The following PRKCZ variants were observed in gnomAD, a reference collection of about 807,000 sequenced individuals.
PRKCZ encodes the protein protein kinase C zeta type.
A neutral mutation model predicts 79.5 loss-of-function variants in PRKCZ; 33 were observed. The ratio of observed to expected loss-of-function variants is 0.41; its 90% confidence interval spans 0.31 to 0.55. PRKCZ has a LOEUF of 0.55. Ranked by LOEUF, PRKCZ falls within the 20% of genes least tolerant of loss-of-function variation. The probability of loss-of-function intolerance (pLI) is 0.19; values close to 1 mark genes in which losing one functional copy is unlikely to be tolerated. For missense variants in PRKCZ, 578 were observed against 813.5 expected (o/e 0.71, Z 3.52); for synonymous variants, 342 against 320.9 (o/e 1.07, Z -0.70).
intron 10 of PRKCZ, among the ~76,000 whole-genome samples, chr1:2,167,410 G>A (rs985355756): frequency 2.0e-5 from 3 of 152,074 alleles, no homozygotes; most frequent in South Asian, 2.1e-4. Flanking sequence ...CCTATGGGCC[G>A]TGATAGCTTA....
At position 2,055,611 on chromosome 1, in the gene PRKCZ, G is replaced by T. The variant is rs372725617; in HGVS notation, c.193+49G>T. 423 of 1,582,548 alleles carry T rather than the reference G, an allele frequency of 2.7e-4. 1 individual carries two copies. The highest frequency in any genetic ancestry group is 6.6e-4 in the Admixed American group (37 of 56,276). On this transcript the variant is annotated intron_variant, in intron 2 of 17. Transcript: ENST00000378567. Reference sequence around the variant, plus strand: ...AGAATCCTCAGCCTCAGGGGACTTCGCCAGGGCAGCCTCTGTGTGCGGAGT... The same window carrying T: ...AGAATCCTCAGCCTCAGGGGACTTCTCCAGGGCAGCCTCTGTGTGCGGAGT...
Position 2,144,450 on chromosome 1 carries a change from C to A in PRKCZ, c.552+109C>A, listed in dbSNP as rs574128657. On this transcript the variant is annotated intron_variant, in intron 6 of 17. Transcript: ENST00000378567. Reference sequence around the variant, plus strand: ...TGACCCTGGGTTCTTCAAGAGGGGCCGTGGTGCCGTCCTAGCTCTGGGCTG... The same window carrying A: ...TGACCCTGGGTTCTTCAAGAGGGGCAGTGGTGCCGTCCTAGCTCTGGGCTG... 4.0e-6 allele frequency: 6 copies of A among 1,487,996 alleles called. No homozygotes were observed. In the African/African-American group the frequency reaches 4.2e-5, roughly 10 times the overall value. 92.2% of individuals were successfully genotyped at this position (1,487,996 alleles called of 1,614,324 possible).
At chr1:2,115,750 G>C (rs1670632776) in intron 4 of PRKCZ, among the ~76,000 whole-genome samples, 1 of 152,182 alleles carries the variant, frequency 6.6e-6, no homozygotes, top group African/African-American at 2.4e-5. Flanking sequence ...TATTAGAAAG[G>C]ACAGCCACAC....
chr1:2,089,781 A>T (rs188904938), intron 4 of PRKCZ, among the ~76,000 whole-genome samples: 252 of 152,244 alleles, frequency 1.7e-3, no homozygotes, highest in Admixed American at 4.6e-3. Context: ...CACACGGCAG[A>T]ACTCAATTCT....
At chr1:2,120,294 T>A (rs12731088) in intron 4 of PRKCZ, among the ~76,000 whole-genome samples, 1 of 56,108 alleles carries the variant, frequency 1.8e-5, no homozygotes, top group African/African-American at 1.1e-4. Flanking sequence ...TGACTTTTCG[T>A]TTTTTTTTTT....
chr1:2,080,622 C>T (rs1243628623), intron 4 of PRKCZ, among the ~76,000 whole-genome samples: 1 of 152,180 alleles, frequency 6.6e-6, no homozygotes, highest in Non-Finnish European at 1.5e-5. Context: ...CAAGCATTCC[C>T]TCCCTGCTCC....
intron 1 of PRKCZ, among the ~76,000 whole-genome samples, chr1:2,052,534 C>T (rs913785240): frequency 4.6e-5 from 7 of 151,870 alleles, no homozygotes; most frequent in East Asian, 1.9e-4. Flanking sequence ...TTCTAGGGCA[C>T]GTCTCCCCTC....
Position 2,127,695 on chromosome 1 carries a change from G to T in PRKCZ, c.335-7567G>T, listed in dbSNP as rs1212180044. ...GGCAAATAGGCGAACGGCGTCTCCC[G>T]CGGCTCCCGGTGGCTTTTTAGGACT... On this transcript the variant is annotated intron_variant, in intron 4 of 17. Transcript: ENST00000378567. The surrounding 1 kb of genome is among the most constrained non-coding windows in gnomAD (Gnocchi z 5.1). 6.6e-6 allele frequency among the ~76,000 whole-genome samples: 1 copy of T among 152,244 alleles called. No individual in the cohort carries two copies. The highest frequency in any genetic ancestry group is 1.9e-4 in the East Asian group (1 of 5,198).
At chr1:2,130,181 C>T (rs1674688305) in intron 4 of PRKCZ, among the ~76,000 whole-genome samples, 1 of 152,246 alleles carries the variant, frequency 6.6e-6, no homozygotes, top group Admixed American at 6.5e-5. Context: ...AGTGGGGTTA[C>T]AAGCATGAGC....
chr1:2,144,743 C>T (rs1047569095), intron 6 of PRKCZ: 119 of 701,816 alleles, frequency 1.7e-4, no homozygotes, highest in Non-Finnish European at 2.1e-4. Flanking sequence ...TCCCTGGCAT[C>T]CCCCCTGGGA....
At chr1:2,166,114 GT>G (rs1683272031) in intron 10 of PRKCZ, among the ~76,000 whole-genome samples, 1 of 152,304 alleles carries the variant, frequency 6.6e-6, no homozygotes, top group African/African-American at 2.4e-5. Context: ...TCACGTTTGT[GT>G]ATTTGATTAA....
chr1:2,101,790 G>A (rs1181417450), intron 4 of PRKCZ, among the ~76,000 whole-genome samples: 1 of 152,226 alleles, frequency 6.6e-6, no homozygotes, highest in Non-Finnish European at 1.5e-5. Context: ...CCACAGCAAA[G>A]ATGTGTGGCA....
intron 4 of PRKCZ, among the ~76,000 whole-genome samples, chr1:2,065,374 T>C (rs984709292): frequency 3.3e-5 from 5 of 152,170 alleles, no homozygotes; most frequent in Admixed American, 3.3e-4. Flanking sequence ...TCCACTACTC[T>C]GTTGAATAAA....
intron 4 of PRKCZ, among the ~76,000 whole-genome samples, chr1:2,091,641 T>A (rs1190100314): frequency 6.6e-6 from 1 of 152,202 alleles, no homozygotes; most frequent in East Asian, 1.9e-4. Flanking sequence ...CTGTGGCCGC[T>A]TGTGTGTCGG....
Position 2,168,009 on chromosome 1 carries a change from G to A in PRKCZ, c.975-1509G>A, listed in dbSNP as rs563574471. On this transcript the variant is annotated intron_variant, in intron 10 of 17. Transcript: ENST00000378567. This position sits in a 1 kb window ranked among gnomAD's most constrained non-coding sequence, Gnocchi z 4.7. ...GGAGGCCTTCATGGAGCTTCGTTCC[G>A]TGGGGTTGACGTTACTGAACGAGTC... Among the ~76,000 whole-genome samples the A allele has an allele frequency of 1.4e-4, 22 of 152,308 alleles. No homozygotes were observed. The highest frequency in any genetic ancestry group is 3.9e-4 in the Admixed American group (6 of 15,306).
chr1:2,104,747 G>GCAGC, intron 4 of PRKCZ: 1 of 985,740 alleles, frequency 1.0e-6, no homozygotes, highest in African/African-American at 1.7e-5. Context: ...CAGGCAGGAC[G>GCAGC]CAGCGGGCTG....
chr1:2,151,142 C>G (rs1040332696), intron 9 of PRKCZ, among the ~76,000 whole-genome samples, 164 bp downstream of exon 9: 2 of 152,250 alleles, frequency 1.3e-5, no homozygotes, highest in Non-Finnish European at 2.9e-5. Flanking sequence ...AGGATGTGTT[C>G]TGGAAAGTGC....
intron 11 of PRKCZ, 31 bp downstream of exon 11, chr1:2,169,635 G>A (rs1470689114): frequency 4.8e-6 from 7 of 1,445,162 alleles, no homozygotes; most frequent in Non-Finnish European, 6.5e-6. Flanking sequence ...CCGGGTGGGT[G>A]CGCCCGGAGT....
At chr1:2,054,489 G>A (rs993524650) in intron 1 of PRKCZ, among the ~76,000 whole-genome samples, 1 of 152,020 alleles carries the variant, frequency 6.6e-6, no homozygotes, top group East Asian at 1.9e-4. Context: ...CTGGGAGTCC[G>A]TGAGCTTCCC....
Sources: allele counts gnomAD v4.1 joint callset (sites outside exome capture counted in the v4.1 genomes callset), GRCh38; gene constraint gnomAD v4.1.1; non-coding constraint Gnocchi (gnomAD v3.1); transcripts MANE v1.5; gene names NCBI Gene and HGNC (gene_info 2026-07-23, HGNC 2026-07-21).